Variants in FSTL4 observed in about 807,000 individuals in gnomAD.
The protein encoded by FSTL4 is follistatin-related protein 4.
A neutral mutation model predicts 78.2 loss-of-function variants in FSTL4; 28 were observed. That is an observed-to-expected ratio of 0.36 (90% CI 0.27 to 0.49). The LOEUF (loss-of-function observed/expected upper bound fraction) is 0.49. Ranked by LOEUF, FSTL4 falls within the 20% of genes least tolerant of loss-of-function variation. FSTL4 has a pLI of 0.98. For missense variants in FSTL4, 922 were observed against 1,084.9 expected, an observed-to-expected ratio of 0.85 and a Z score of 2.11; for synonymous variants, 422 against 440.5, an observed-to-expected ratio of 0.96 and a Z score of 0.53.
chr5:133,295,580 T>G (rs1275254969), intron 6 of FSTL4, among the ~76,000 whole-genome samples: 1 of 152,226 alleles, frequency 6.6e-6, no homozygotes, highest in East Asian at 1.9e-4. Flanking sequence ...CCACTCCATC[T>G]TAAACCCAAT....
chr5:133,724,529 T>G, the FSTL4 span, among the ~76,000 whole-genome samples: 1 of 152,178 alleles, frequency 6.6e-6, no homozygotes, highest in Non-Finnish European at 1.5e-5. Flanking sequence ...GAGCTTGTAG[T>G]CAGTCACCTT....
the FSTL4 span, among the ~76,000 whole-genome samples, chr5:133,651,434 T>G: frequency 6.6e-6 from 1 of 152,146 alleles, no homozygotes; most frequent in African/African-American, 2.4e-5. Context: ...CTAAGAGGTC[T>G]TTTTATTATT....
intron 6 of FSTL4, among the ~76,000 whole-genome samples, chr5:133,307,812 G>A (rs1489297450): frequency 1.4e-5 from 2 of 139,598 alleles, no homozygotes; most frequent in African/African-American, 2.6e-5. Context: ...ATGGAGTCTC[G>A]CTCTGTTGCC....
At chr5:133,568,910 A>G (rs1267057847) in intron 2 of FSTL4, among the ~76,000 whole-genome samples, 2 of 152,240 alleles carry the variant, frequency 1.3e-5, no homozygotes, top group Admixed American at 6.5e-5. Flanking sequence ...GCATGTTCTT[A>G]TCTAATAACA....
intron 3 of FSTL4, among the ~76,000 whole-genome samples, chr5:133,552,671 G>A (rs1321085425): frequency 1.3e-5 from 2 of 152,186 alleles, no homozygotes; most frequent in African/African-American, 4.8e-5. Flanking sequence ...ACCAGTTTGA[G>A]ACCTGTCATA....
the FSTL4 span, among the ~76,000 whole-genome samples, chr5:133,716,803 C>T: frequency 6.6e-6 from 1 of 152,276 alleles, no homozygotes; most frequent in African/African-American, 2.4e-5. Flanking sequence ...GAAATCATTC[C>T]CAAATATTAG....
At chr5:133,528,325 TG>T (rs2039199940) in intron 3 of FSTL4, among the ~76,000 whole-genome samples, 1 of 152,262 alleles carries the variant, frequency 6.6e-6, no homozygotes, top group Non-Finnish European at 1.5e-5. Flanking sequence ...ATTGAGTTTT[TG>T]TTCCTAACTC....
At chr5:133,449,041 CAG>C (rs956274412) in intron 3 of FSTL4, among the ~76,000 whole-genome samples, 1 of 152,068 alleles carries the variant, frequency 6.6e-6, no homozygotes, top group Non-Finnish European at 1.5e-5. Flanking sequence ...ATTATATAGA[CAG>C]GGGTTGAAAG....
At chr5:133,608,098 T>A (rs967811412) in intron 1 of FSTL4, among the ~76,000 whole-genome samples, 8 of 152,164 alleles carry the variant, frequency 5.3e-5, no homozygotes, top group Non-Finnish European at 1.0e-4. Flanking sequence ...AATGCAAGAA[T>A]CTCCCCATTA....
At chr5:133,420,474 T>C (rs1209699427) in intron 3 of FSTL4, among the ~76,000 whole-genome samples, 2 of 152,354 alleles carry the variant, frequency 1.3e-5, no homozygotes, top group South Asian at 2.1e-4. Flanking sequence ...AGAAATCTTT[T>C]ATTCCTCCCA....
chr5:133,331,505 G>C (rs76376570), intron 4 of FSTL4, among the ~76,000 whole-genome samples: 3,787 of 152,180 alleles, frequency 0.025, 102 homozygotes, highest in African/African-American at 0.068. Flanking sequence ...GGGCTCCTGG[G>C]GTCATTTACT....
intron 2 of FSTL4, among the ~76,000 whole-genome samples, chr5:133,602,870 C>G (rs903904524): frequency 6.6e-6 from 1 of 152,184 alleles, no homozygotes; most frequent in Non-Finnish European, 1.5e-5. Flanking sequence ...GAAATCATGT[C>G]TTTTGATCAA....
chr5:133,517,478 A>C (rs9968660), intron 3 of FSTL4, among the ~76,000 whole-genome samples: 6 of 6,216 alleles, frequency 9.7e-4, no homozygotes, highest in African/African-American at 1.7e-3. Flanking sequence ...ACACACACAC[A>C]CCACACACAC....
At chr5:133,339,610 C>T (rs1754541595) in intron 4 of FSTL4, among the ~76,000 whole-genome samples, 1 of 152,182 alleles carries the variant, frequency 6.6e-6, no homozygotes, top group Admixed American at 6.5e-5. Context: ...AAGGAACGAA[C>T]ACATGGCTTT....
At chr5:133,200,406 G>C (rs1750281367) in intron 15 of FSTL4, among the ~76,000 whole-genome samples, 1 of 152,260 alleles carries the variant, frequency 6.6e-6, no homozygotes, top group Non-Finnish European at 1.5e-5. Context: ...TGGGCATTGG[G>C]GTTGAGGACA....
chr5:133,642,386 C>T, the FSTL4 span, among the ~76,000 whole-genome samples: 1 of 152,162 alleles, frequency 6.6e-6, no homozygotes, highest in Non-Finnish European at 1.5e-5. Flanking sequence ...GGCCACTGTT[C>T]CTCAAAGCAG....
chr5:133,798,382 G>A, the FSTL4 span, among the ~76,000 whole-genome samples: 1,506 of 152,240 alleles, frequency 9.9e-3, 16 homozygotes, highest in Middle Eastern at 0.017. Context: ...TTCTCAGAGG[G>A]AGGTCTGTAC....
chr5:133,199,377 G>A lies in FSTL4; in HGVS notation c.2247C>T (p.Tyr749=), dbSNP rs1162460987. Residue 749 remains tyrosine (Y), a synonymous_variant, in exon 16 of 16, where the codon TAC becomes TAT. Coordinates refer to ENST00000265342, the MANE Select transcript of FSTL4 (RefSeq NM_015082.2). The surrounding 1 kb of genome is among the most constrained non-coding windows in gnomAD (Gnocchi z 4.4). The part of the protein sequence containing the change: ...FQRSFTESNQ[Y]NIYAALHTEP... ...CCGTGTGCAGAGCCGCGTAGATGTT[G>A]TATTGATTGCTTTCAGTGAAGGAGC... is the stretch of plus-strand genomic sequence containing the variant. 6.2e-7 allele frequency: 1 copy of A among 1,614,180 alleles called. No homozygotes were observed. Among genetic ancestry groups the A allele is most frequent in the Non-Finnish European group, 8.5e-7 (1 of 1,180,014 alleles).
At chr5:133,675,470 T>G in the FSTL4 span, among the ~76,000 whole-genome samples, 1 of 152,228 alleles carries the variant, frequency 6.6e-6, no homozygotes, top group African/African-American at 2.4e-5. Context: ...CTTGTTCCCG[T>G]GGCCGTCAGG....
Sources: gnomAD v4.1 joint callset for allele counts (sites outside exome capture counted in the v4.1 genomes callset) on GRCh38, gnomAD v4.1.1 for gene constraint, Gnocchi (gnomAD v3.1) non-coding constraint, MANE v1.5 for transcripts, NCBI Gene and HGNC (gene_info 2026-07-23, HGNC 2026-07-21) for gene names.